The following ANKRD44 variants were observed in gnomAD, a reference collection of about 807,000 sequenced individuals.
ANKRD44 encodes the protein serine/threonine-protein phosphatase 6 regulatory ankyrin repeat subunit B.
ANKRD44 carries 35 observed loss-of-function variants against 116.0 expected under a neutral mutation model. That is an observed-to-expected ratio of 0.30 (90% CI 0.23 to 0.40). ANKRD44 has a LOEUF of 0.40. Ranked by LOEUF, ANKRD44 falls within the 10% of genes least tolerant of loss-of-function variation. ANKRD44 has a pLI of 1.00. For synonymous variants in ANKRD44, 435 were observed against 461.8 expected (o/e 0.94, Z 0.74); for missense variants, 1,014 against 1,242.6 (o/e 0.82, Z 2.77).
At chr2:197,191,785 G>A (rs1418403573) in intron 1 of ANKRD44, among the ~76,000 whole-genome samples, 1 of 152,048 alleles carries the variant, frequency 6.6e-6, no homozygotes, top group Non-Finnish European at 1.5e-5. Context: ...AAGTAAACAT[G>A]CACACCATGC....
downstream of ANKRD44, among the ~76,000 whole-genome samples, chr2:196,984,298 C>T (rs1042719848): frequency 1.3e-5 from 2 of 152,082 alleles, no homozygotes; most frequent in Non-Finnish European, 2.9e-5. Flanking sequence ...CCCTGCCCAC[C>T]CCCCAGCCAT....
intron 1 of ANKRD44, among the ~76,000 whole-genome samples, chr2:197,189,514 G>A (rs767406036): frequency 1.3e-5 from 2 of 152,146 alleles, no homozygotes; most frequent in African/African-American, 2.4e-5. Flanking sequence ...CATCTGCCCC[G>A]TGGCAAGGAC....
At chr2:197,167,689 T>C (rs1194381012) in intron 2 of ANKRD44, among the ~76,000 whole-genome samples, 1 of 152,240 alleles carries the variant, frequency 6.6e-6, no homozygotes, top group Non-Finnish European at 1.5e-5. Flanking sequence ...ACAAACATTC[T>C]CTAATAAGCA....
rs1338276226 is a variant in ANKRD44, at chr2:197,019,802, C to CT, written c.1722+5393dup. On this transcript the variant is annotated intron_variant, in intron 17 of 27. Transcript: ENST00000282272. ...ATAGGCGATTTCTTTTTTTTTCTTT[C>CT]TTTTTTTTTTTTGAGCTGGAGTCTC... is the stretch of plus-strand genomic sequence containing the variant. Among the ~76,000 whole-genome samples, 776 of 143,660 alleles carry CT rather than the reference C, an allele frequency of 5.4e-3. 10 individuals are homozygous for CT. The highest frequency in any genetic ancestry group is 0.017 in the African/African-American group (672 of 39,404). 94.2% of individuals were successfully genotyped at this position (143,660 alleles called of 152,430 possible).
intron 7 of ANKRD44, among the ~76,000 whole-genome samples, chr2:197,122,271 T>C (rs1459444678): frequency 1.3e-5 from 2 of 152,114 alleles, no homozygotes; most frequent in Non-Finnish European, 2.9e-5. Context: ...AGCTCAAGAG[T>C]AGACATTGCT....
intron 16 of ANKRD44, among the ~76,000 whole-genome samples, chr2:197,034,412 C>T (rs182005421): frequency 6.6e-6 from 1 of 151,090 alleles, no homozygotes; most frequent in Admixed American, 6.7e-5. Context: ...ACAATCCATG[C>T]ATTCACATGC....
intron 19 of ANKRD44, among the ~76,000 whole-genome samples, 179 bp from the exon 20 acceptor site, chr2:197,008,102 C>T (rs1322141698): frequency 2.6e-5 from 4 of 152,172 alleles, no homozygotes; most frequent in Non-Finnish European, 5.9e-5. Context: ...TCTGCCTCTG[C>T]TCTAATGGCC....
chr2:196,978,708 T>A (rs2075776865), intron 21 of ANKRD44, among the ~76,000 whole-genome samples: 1 of 152,156 alleles, frequency 6.6e-6, no homozygotes, highest in South Asian at 2.1e-4. Flanking sequence ...CATAACTTTT[T>A]AAAATCACTA....
intron 1 of ANKRD44, among the ~76,000 whole-genome samples, chr2:197,214,332 A>G (rs1220917583): frequency 6.6e-6 from 1 of 152,370 alleles, no homozygotes; most frequent in South Asian, 2.1e-4. Context: ...AGAAATATTT[A>G]TCATATAGCA....
intron 1 of ANKRD44, among the ~76,000 whole-genome samples, chr2:197,270,945 A>C (rs1022239855): frequency 6.6e-6 from 1 of 152,040 alleles, no homozygotes; most frequent in African/African-American, 2.4e-5. Flanking sequence ...TTCCATCTCA[A>C]CCCAGGTCAT....
At chr2:197,189,494 G>A (rs140067193) in intron 1 of ANKRD44, among the ~76,000 whole-genome samples, 266 of 152,290 alleles carry the variant, frequency 1.7e-3, no homozygotes, top group African/African-American at 6.1e-3. Flanking sequence ...CCAAGTCTCC[G>A]TTCGGGTTAC....
intron 9 of ANKRD44, among the ~76,000 whole-genome samples, chr2:197,105,121 G>GT (rs111342719): frequency 0.055 from 8,363 of 150,928 alleles, 447 homozygotes; most frequent in African/African-American, 0.14. Context: ...TTATTTTGGG[G>GT]TTTTTTTTTG....
intron 1 of ANKRD44, among the ~76,000 whole-genome samples, chr2:197,194,284 A>T (rs975554366): frequency 2.6e-5 from 4 of 152,166 alleles, no homozygotes; most frequent in Admixed American, 2.6e-4. Context: ...CTAATCTATA[A>T]AGCCAATAAC....
chr2:197,233,049 A>G (rs1245554524), intron 1 of ANKRD44, among the ~76,000 whole-genome samples: 1 of 152,220 alleles, frequency 6.6e-6, no homozygotes, highest in Non-Finnish European at 1.5e-5. Context: ...ATATGGTCCC[A>G]ATACATTCTA....
chr2:196,970,801 A>T (rs1350116442), intron 21 of ANKRD44, among the ~76,000 whole-genome samples: 5 of 152,138 alleles, frequency 3.3e-5, no homozygotes. Context: ...TCCTGGTCTC[A>T]AGTGGTCCTC....
intron 8 of ANKRD44, among the ~76,000 whole-genome samples, chr2:197,112,435 C>T (rs1009870908): frequency 2.5e-4 from 38 of 152,256 alleles, no homozygotes; most frequent in African/African-American, 8.4e-4. Flanking sequence ...CTGGGCCAGG[C>T]GCAGTGGCTC....
chr2:197,186,612 C>CTTT lies in ANKRD44; in HGVS notation c.111+408_111+410dup, dbSNP rs149107038. Among the ~76,000 whole-genome samples, 23 of 50,802 alleles carry CTTT rather than the reference C, an allele frequency of 4.5e-4. 2 individuals carry two copies. The highest frequency in any genetic ancestry group is 7.5e-4 in the Admixed American group (2 of 2,672). 33.3% of individuals were successfully genotyped at this position (50,802 alleles called of 152,430 possible). A position where few individuals can be genotyped will look rare whatever the true frequency, so the allele number is the denominator to read the frequency against. On this transcript the variant is annotated intron_variant, in intron 2 of 27. Transcript: ENST00000282272. ...CCATCACTATGCCCGGCTAATTTTT[C>CTTT]TTTTTTTTTTTTTTTTTTTTTTTTT... is the stretch of plus-strand genomic sequence containing the variant.
intron 22 of ANKRD44, among the ~76,000 whole-genome samples, chr2:197,001,431 G>A (rs893979511): frequency 6.6e-6 from 1 of 152,138 alleles, no homozygotes; most frequent in African/African-American, 2.4e-5. Flanking sequence ...TGTTGTCAAC[G>A]CTGACTTATT....
intron 9 of ANKRD44, among the ~76,000 whole-genome samples, chr2:197,101,345 G>A (rs1211348827): frequency 6.6e-6 from 1 of 152,008 alleles, no homozygotes; most frequent in Non-Finnish European, 1.5e-5. Context: ...TTAGATTCAG[G>A]CTAAACATTT....
Sources: gnomAD v4.1 joint callset for allele counts (sites outside exome capture counted in the v4.1 genomes callset) on GRCh38, gnomAD v4.1.1 for gene constraint, MANE v1.5 for transcripts, NCBI Gene and HGNC (gene_info 2026-07-23, HGNC 2026-07-21) for gene names.